Variants in ADAMTSL1 observed in about 807,000 individuals in gnomAD.
ADAMTSL1 encodes the protein ADAMTS-like protein 1.
A neutral mutation model predicts 201.8 loss-of-function variants in ADAMTSL1; 126 were observed. The observed-to-expected ratio is 0.62, with a 90% CI of 0.54 to 0.72. The LOEUF is 0.72. Ranked by LOEUF, ADAMTSL1 falls within the 30% of genes least tolerant of loss-of-function variation. The pLI is 0.00. For synonymous variants in ADAMTSL1, 1,121 were observed against 903.4 expected, an observed-to-expected ratio of 1.24 and a Z score of -4.32; for missense variants, 2,679 against 2,277.8, an observed-to-expected ratio of 1.18 and a Z score of -3.59.
At chr9:18,324,752 G>A (rs544838586) in intron 2 of ADAMTSL1, among the ~76,000 whole-genome samples, 4 of 144,306 alleles carry the variant, frequency 2.8e-5, no homozygotes, top group African/African-American at 5.1e-5. Context: ...CAACAAGAGC[G>A]AAACTCCATC....
chr9:18,633,095 C>T (rs1276385961), intron 5 of ADAMTSL1, among the ~76,000 whole-genome samples: 1 of 152,172 alleles, frequency 6.6e-6, no homozygotes, highest in Non-Finnish European at 1.5e-5. Flanking sequence ...AAGAGGGAGG[C>T]TGCATGAGCT....
At chr9:18,531,013 A>T (rs1819411115) in intron 2 of ADAMTSL1, among the ~76,000 whole-genome samples, 2 of 152,216 alleles carry the variant, frequency 1.3e-5, no homozygotes, top group Non-Finnish European at 2.9e-5. Context: ...ATTTACCATC[A>T]GCTGGAACCT....
chr9:18,479,651 A>ACTTAT (rs1468864363), intron 1 of ADAMTSL1, among the ~76,000 whole-genome samples: 1 of 152,130 alleles, frequency 6.6e-6, no homozygotes, highest in African/African-American at 2.4e-5. Flanking sequence ...CCCATCTCTT[A>ACTTAT]CTTATCTTAC....
intron 8 of ADAMTSL1, among the ~76,000 whole-genome samples, chr9:18,660,219 A>G (rs1828991046): frequency 6.6e-6 from 1 of 152,218 alleles, no homozygotes; most frequent in African/African-American, 2.4e-5. Context: ...GATGTGAGGG[A>G]TGTGGAGACC....
chr9:18,647,552 C>T lies in ADAMTSL1; in HGVS notation c.834+8141C>T, dbSNP rs1827900290. ...GCTATGAATTTCCCTCTACACACTG[C>T]TTTGAATGTGTCCCAGAGAGTCTGG... On this transcript the variant is annotated intron_variant, in intron 7 of 28. Coordinates refer to ENST00000380548, the MANE Select transcript of ADAMTSL1 (RefSeq NM_001040272.6). 2.0e-5 allele frequency among the ~76,000 whole-genome samples: 3 copies of T among 152,060 alleles called. No homozygotes were observed. In the South Asian group the frequency reaches 6.3e-4, roughly 32 times the overall value.
chr9:18,110,610 T>C (rs1403434213), intron 1 of ADAMTSL1, among the ~76,000 whole-genome samples: 1 of 152,160 alleles, frequency 6.6e-6, no homozygotes, highest in Non-Finnish European at 1.5e-5. Flanking sequence ...GAGAAATACC[T>C]GTGTAATGGA....
intron 1 of ADAMTSL1, among the ~76,000 whole-genome samples, chr9:18,142,475 A>C (rs922016521): frequency 6.6e-6 from 1 of 152,112 alleles, no homozygotes; most frequent in Non-Finnish European, 1.5e-5. Flanking sequence ...CCCTCCTTTG[A>C]TCTCCATGGA....
intron 2 of ADAMTSL1, among the ~76,000 whole-genome samples, chr9:18,463,439 A>G (rs1820883111): frequency 6.6e-6 from 1 of 152,154 alleles, no homozygotes; most frequent in Admixed American, 6.6e-5. Flanking sequence ...GTACTGTGGC[A>G]TTAAGTATAT....
intron 20 of ADAMTSL1, among the ~76,000 whole-genome samples, chr9:18,798,990 T>G (rs1319138132): frequency 7.0e-6 from 1 of 141,980 alleles, no homozygotes; most frequent in African/African-American, 2.4e-5. Context: ...TGATTTTATC[T>G]TTAAGTCTCA....
Position 18,268,491 on chromosome 9 carries a change from A to G in ADAMTSL1, c.207+104510A>G, listed in dbSNP as rs191642277. On this transcript the variant is annotated intron_variant, in intron 2 of 29. Coordinates refer to the ADAMTSL1 transcript ENST00000680146. ...GTCATTTAAAGATATTTAGGAGAAG[A>G]AGGAGCAGGGGACATTGAAAACTAT... is the stretch of plus-strand genomic sequence containing the variant. Among the ~76,000 whole-genome samples the G allele has an allele frequency of 3.1e-3, 476 of 152,324 alleles. 3 individuals carry two copies. The highest frequency in any genetic ancestry group is 5.8e-3 in the Admixed American group (89 of 15,294).
At chr9:18,546,569 C>CA (rs1458722613) in intron 3 of ADAMTSL1, among the ~76,000 whole-genome samples, 1 of 152,088 alleles carries the variant, frequency 6.6e-6, no homozygotes, top group Admixed American at 6.6e-5. Context: ...ATTCCTTCCC[C>CA]AAATAGAAAT....
chr9:18,027,823 C>T (rs891405271), intron 1 of ADAMTSL1, among the ~76,000 whole-genome samples: 2 of 152,080 alleles, frequency 1.3e-5, no homozygotes, highest in South Asian at 4.1e-4. Flanking sequence ...CTACTGAAGA[C>T]CTCAACTATT....
At chr9:18,132,769 C>G (rs1011691397) in intron 1 of ADAMTSL1, among the ~76,000 whole-genome samples, 2 of 152,118 alleles carry the variant, frequency 1.3e-5, no homozygotes, top group Non-Finnish European at 2.9e-5. Flanking sequence ...CACATTTCAC[C>G]CAAACACACA....
chr9:18,263,923 A>T lies in ADAMTSL1; in HGVS notation c.207+99942A>T, dbSNP rs140475953. On this transcript the variant is annotated intron_variant, in intron 2 of 29. Transcript: ENST00000680146. Reference sequence around the variant, plus strand: ...AGCTTCCAGAACTGTGACAAAAAAAATGTCTGCTGTGGAAGTCACTCAGTG... The same window carrying T: ...AGCTTCCAGAACTGTGACAAAAAAATTGTCTGCTGTGGAAGTCACTCAGTG... 8.0e-4 allele frequency among the ~76,000 whole-genome samples: 122 copies of T among 152,350 alleles called. 1 individual carries two copies. The highest frequency in any genetic ancestry group is 2.4e-3 in the African/African-American group (98 of 41,574).
intron 2 of ADAMTSL1, among the ~76,000 whole-genome samples, chr9:18,235,935 G>C (rs1431136140): frequency 6.6e-6 from 1 of 152,186 alleles, no homozygotes; most frequent in African/African-American, 2.4e-5. Context: ...CACATTGCTA[G>C]ACACTAAGAA....
At chr9:18,729,887 C>A (rs147056421) in intron 15 of ADAMTSL1, among the ~76,000 whole-genome samples, 1 of 152,286 alleles carries the variant, frequency 6.6e-6, no homozygotes, top group African/African-American at 2.4e-5. Flanking sequence ...CCTCATTGTT[C>A]ATAAGCACCA....
intron 14 of ADAMTSL1, among the ~76,000 whole-genome samples, chr9:18,721,272 C>T (rs1833348600): frequency 6.6e-6 from 1 of 152,154 alleles, no homozygotes; most frequent in South Asian, 2.1e-4. Flanking sequence ...TTTCAAGAGT[C>T]TAGGTAGCAG....
intron 2 of ADAMTSL1, among the ~76,000 whole-genome samples, chr9:18,373,438 A>G (rs1837139612): frequency 6.6e-6 from 1 of 152,168 alleles, no homozygotes; most frequent in Non-Finnish European, 1.5e-5. Context: ...GGTTTACAAC[A>G]ATCTTTTCAT....
intron 2 of ADAMTSL1, among the ~76,000 whole-genome samples, chr9:18,527,815 A>C (rs545561463): frequency 4.6e-5 from 7 of 152,274 alleles, no homozygotes; most frequent in African/African-American, 1.7e-4. Flanking sequence ...GGCAGGAGTA[A>C]AATGGTGATT....
Sources: allele counts gnomAD v4.1 joint callset (sites outside exome capture counted in the v4.1 genomes callset), GRCh38; gene constraint gnomAD v4.1.1; transcripts MANE v1.5; gene names NCBI Gene and HGNC (gene_info 2026-07-23, HGNC 2026-07-21).